The following PRKN variants were observed in gnomAD, a reference collection of about 807,000 sequenced individuals.
PRKN encodes parkin RBR E3 ubiquitin protein ligase.
Under a neutral mutation model 59.5 loss-of-function variants are expected in PRKN, and 56 were observed. That is an observed-to-expected ratio of 0.94 (90% CI 0.76 to 1.18). The LOEUF is 1.18. Ranked by LOEUF, PRKN falls within the 50% of genes most tolerant of loss-of-function variation. The pLI is 0.00. For missense variants in PRKN, 657 were observed against 596.4 expected, an observed-to-expected ratio of 1.10 and a Z score of -1.06; for synonymous variants, 250 against 222.1, an observed-to-expected ratio of 1.13 and a Z score of -1.12.
intron 4 of PRKN, among the ~76,000 whole-genome samples, chr6:162,130,511 G>T (rs1781308891): frequency 6.6e-6 from 1 of 152,024 alleles, no homozygotes; most frequent in South Asian, 2.1e-4. Flanking sequence ...ATATGGCCAG[G>T]GTCCATTTTG....
rs532877386 is a variant in PRKN at position 161,750,782 on chromosome 6, A to G, written c.871+34990T>C. 1.5e-4 allele frequency among the ~76,000 whole-genome samples: 23 copies of G among 152,118 alleles called. 2 individuals are homozygous for G. Among genetic ancestry groups the G allele is most frequent in the African/African-American group, 5.3e-4 (22 of 41,500 alleles). On this transcript the variant is annotated intron_variant, in intron 7 of 11. Transcript: ENST00000366898. ...AACTCTTGTCTCAAAAAAAAAAAAA[A>G]AAGTATTAAAAATTCTGTCCACGGA...
intron 3 of PRKN, among the ~76,000 whole-genome samples, chr6:162,212,467 G>A (rs1051480096): frequency 6.6e-6 from 1 of 152,086 alleles, no homozygotes; most frequent in South Asian, 2.1e-4. Flanking sequence ...CAGGAAAGTT[G>A]CTCGGCCTGT....
chr6:162,336,054 A>C (rs925170975), intron 2 of PRKN, among the ~76,000 whole-genome samples: 2 of 151,918 alleles, frequency 1.3e-5, no homozygotes, highest in Non-Finnish European at 2.9e-5. Context: ...CTACAGGGTA[A>C]GCAAGGGCAG....
chr6:162,098,102 C>G (rs1779817891), intron 4 of PRKN, among the ~76,000 whole-genome samples: 1 of 152,208 alleles, frequency 6.6e-6, no homozygotes, highest in South Asian at 2.1e-4. Context: ...CTGATAAAAC[C>G]ATCTTTTTCT....
At chr6:162,672,268 T>G (rs1344571545) in intron 1 of PRKN, among the ~76,000 whole-genome samples, 2 of 152,102 alleles carry the variant, frequency 1.3e-5, no homozygotes, top group East Asian at 3.9e-4. Flanking sequence ...TCCTGGAAAT[T>G]TCATTTAAAT....
At chr6:162,035,761 T>A (rs1223393702) in intron 5 of PRKN, among the ~76,000 whole-genome samples, 4 of 152,144 alleles carry the variant, frequency 2.6e-5, no homozygotes, top group Non-Finnish European at 4.4e-5. Context: ...CCCTCAAGGT[T>A]AATATAATAA....
At chr6:162,263,891 C>T (rs1583285994) in intron 2 of PRKN, among the ~76,000 whole-genome samples, 3 of 151,610 alleles carry the variant, frequency 2.0e-5, no homozygotes, top group South Asian at 2.1e-4. Context: ...CCCCCACCCC[C>T]CCAACCAAAA....
At chr6:162,141,792 CAG>C (rs1264640039) in intron 4 of PRKN, among the ~76,000 whole-genome samples, 1 of 152,116 alleles carries the variant, frequency 6.6e-6, no homozygotes, top group Non-Finnish European at 1.5e-5. Flanking sequence ...ACACGAAGAG[CAG>C]GTATAAAGAA....
intron 5 of PRKN, among the ~76,000 whole-genome samples, chr6:162,011,954 A>C (rs963092864): frequency 2.0e-5 from 3 of 152,082 alleles, no homozygotes; most frequent in Non-Finnish European, 4.4e-5. Flanking sequence ...ATATATATTT[A>C]GATAGCTAGC....
At position 161,785,921 on chromosome 6, in the gene PRKN, A is replaced by G. The variant is rs1554306002; in HGVS notation, c.735-13T>C. 6.2e-7 allele frequency: 1 copy of G among 1,613,926 alleles called. No individual in the cohort carries two copies. Among genetic ancestry groups the G allele is most frequent in the Non-Finnish European group, 8.5e-7 (1 of 1,179,902 alleles). ...CAGGACGGGGCTCCTGCAGAGAGAA[A>G]GGAAGATGTTTCCTCTAGTACCTGT... On this transcript the variant is annotated splice_polypyrimidine_tract_variant and intron_variant, in intron 6 of 11. Transcript: ENST00000366898.
chr6:162,349,362 G>C (rs1157425662), intron 2 of PRKN, among the ~76,000 whole-genome samples: 4 of 152,100 alleles, frequency 2.6e-5, no homozygotes, highest in African/African-American at 9.7e-5. Flanking sequence ...GCTACATGAG[G>C]GGGCAGAGGC....
At chr6:162,207,318 G>A (rs1784989996) in intron 3 of PRKN, among the ~76,000 whole-genome samples, 1 of 152,126 alleles carries the variant, frequency 6.6e-6, no homozygotes, top group Admixed American at 6.5e-5. Flanking sequence ...GCTGAAGTGA[G>A]CTGAGATCCC....
chr6:162,000,095 G>A (rs1417486741), intron 5 of PRKN, among the ~76,000 whole-genome samples: 3 of 152,024 alleles, frequency 2.0e-5, no homozygotes, highest in Non-Finnish European at 4.4e-5. Context: ...GAATAAAGTC[G>A]CTATAAATAT....
intron 1 of PRKN, among the ~76,000 whole-genome samples, chr6:162,448,300 G>A (rs4708960): frequency 0.55 from 83,187 of 151,844 alleles, 23,755 homozygotes; most frequent in East Asian, 0.7. Context: ...CCTAACTTTA[G>A]CAAACCAACC....
rs1268752208 is a variant in PRKN at position 161,442,658 on chromosome 6, C to T, written c.1084-55781G>A. On this transcript the variant is annotated intron_variant, in intron 9 of 11. Coordinates refer to ENST00000366898, the MANE Select transcript of PRKN (RefSeq NM_004562.3). The surrounding 1 kb of genome is among the most constrained non-coding windows in gnomAD (Gnocchi z 4.6). ...TGGACTGGACGGGCTGGACTCCCAGCTGAAGGTGGCTTGGAATTTAGCTGT... is the reference window on the plus strand; with the variant it reads ...TGGACTGGACGGGCTGGACTCCCAGTTGAAGGTGGCTTGGAATTTAGCTGT... Among the ~76,000 whole-genome samples, 2 of 152,182 alleles carry T rather than the reference C, an allele frequency of 1.3e-5. No homozygotes were observed. The highest frequency in any genetic ancestry group is 2.9e-5 in the Non-Finnish European group (2 of 68,028).
intron 7 of PRKN, among the ~76,000 whole-genome samples, chr6:161,679,408 G>A (rs547349063): frequency 3.1e-4 from 47 of 152,124 alleles, no homozygotes; most frequent in African/African-American, 8.9e-4. Flanking sequence ...GGGACAGCGC[G>A]CCTCTGACCC....
At chr6:161,653,188 C>A (rs1246200585) in intron 7 of PRKN, among the ~76,000 whole-genome samples, 4 of 151,762 alleles carry the variant, frequency 2.6e-5, no homozygotes, top group Non-Finnish European at 5.9e-5. Context: ...TGGTGAAACC[C>A]CGTCTCTATT....
At position 161,899,221 on chromosome 6, in the gene PRKN, T is replaced by C. The variant is rs1777787073; in HGVS notation, c.734+74081A>G. Among the ~76,000 whole-genome samples the C allele has an allele frequency of 2.0e-5, 3 of 152,244 alleles. No individual in the cohort carries two copies. In the South Asian group the frequency reaches 6.2e-4, roughly 32 times the overall value. Reference sequence around the variant, plus strand: ...GAGAAACTTCAGGGAGATATTTGCATAAATATATTTCCCATTGTCCAAAAA... The same window carrying C: ...GAGAAACTTCAGGGAGATATTTGCACAAATATATTTCCCATTGTCCAAAAA... On this transcript the variant is annotated intron_variant, in intron 6 of 11. Transcript: ENST00000366898.
intron 4 of PRKN, among the ~76,000 whole-genome samples, chr6:162,055,155 C>G (rs1382447132): frequency 6.6e-6 from 1 of 152,036 alleles, no homozygotes; most frequent in Non-Finnish European, 1.5e-5. Context: ...TAGCAAGACT[C>G]CATCTCAAAA....
Sources: allele counts gnomAD v4.1 joint callset (sites outside exome capture counted in the v4.1 genomes callset), GRCh38; gene constraint gnomAD v4.1.1; non-coding constraint Gnocchi (gnomAD v3.1); transcripts MANE v1.5; gene names NCBI Gene and HGNC (gene_info 2026-07-23, HGNC 2026-07-21).